The following PCDHA8 variants were observed in gnomAD, a reference collection of about 807,000 sequenced individuals.
The protein encoded by PCDHA8 is protocadherin alpha-8.
A neutral mutation model predicts 61.8 loss-of-function variants in PCDHA8; 53 were observed. The observed-to-expected ratio is 0.86, with a 90% CI of 0.69 to 1.08. The LOEUF (loss-of-function observed/expected upper bound fraction) is 1.08. Ranked by LOEUF, PCDHA8 falls within the 50% of genes least tolerant of loss-of-function variation. The probability of loss-of-function intolerance (pLI) is 0.00; values close to 1 mark genes in which losing one functional copy is unlikely to be tolerated. For synonymous variants in PCDHA8, 618 were observed against 556.6 expected (o/e 1.11, Z -1.55); for missense variants, 1,293 against 1,245.0 (o/e 1.04, Z -0.58).
At chr5:140,912,922 G>A (rs1554195623) in intron 1 of PCDHA8, among the ~76,000 whole-genome samples, 3 of 152,210 alleles carry the variant, frequency 2.0e-5, no homozygotes, top group African/African-American at 7.2e-5. Context: ...ATTTGTGTAT[G>A]TTGAATCATC....
rs73793533 is a variant in PCDHA8 at position 140,949,932 on chromosome 5, T to A, written c.2395-29017T>A. On this transcript the variant is annotated intron_variant, in intron 1 of 3. Transcript: ENST00000531613. Reference sequence around the variant, plus strand: ...GATATAACTATTTTTAGATTTTTTTTAATTTGCATTTTTTAGTGGTTGCTG... The same window carrying A: ...GATATAACTATTTTTAGATTTTTTTAAATTTGCATTTTTTAGTGGTTGCTG... Among the ~76,000 whole-genome samples, 1,356 of 151,758 alleles carry A rather than the reference T, an allele frequency of 8.9e-3. 15 individuals carry two copies. The highest frequency in any genetic ancestry group is 0.032 in the African/African-American group (1,309 of 41,514).
chr5:140,877,233 G>A (rs1554169499), intron 1 of PCDHA8: 2 of 1,613,676 alleles, frequency 1.2e-6, no homozygotes, highest in Non-Finnish European at 8.5e-7. Flanking sequence ...CGGTGGGTGC[G>A]GGCCACGTGG....
intron 1 of PCDHA8, among the ~76,000 whole-genome samples, chr5:140,951,209 A>C (rs1302279809): frequency 6.6e-6 from 1 of 151,904 alleles, no homozygotes; most frequent in Non-Finnish European, 1.5e-5. Context: ...GTGTCATCTC[A>C]GGTTTGGATT....
chr5:140,996,553 A>G lies in PCDHA8; in HGVS notation c.2543-13074A>G, dbSNP rs868960335. 1.1e-4 allele frequency among the ~76,000 whole-genome samples: 16 copies of G among 152,172 alleles called. No individual in the cohort carries two copies. In the South Asian group the frequency reaches 2.7e-3, roughly 26 times the overall value. On this transcript the variant is annotated intron_variant, in intron 3 of 3. Transcript: ENST00000531613. The stretch of plus-strand genomic sequence containing the variant: ...TGTGTTTTGATATTATGCTGTCACT[A>G]TCTTGAAGTTCTTGATAATTTGTTA...
At chr5:140,843,814 G>A in intron 1 of PCDHA8, 99 bp downstream of exon 1, 1 of 1,259,886 alleles carries the variant, frequency 7.9e-7, no homozygotes, top group Non-Finnish European at 1.1e-6. Context: ...ATTTTATAGT[G>A]AAAATTTAAA....
At chr5:140,853,686 T>C (rs2042832936) in intron 1 of PCDHA8, 1 of 988,118 alleles carries the variant, frequency 1.0e-6, no homozygotes, top group Middle Eastern at 5.3e-4. Flanking sequence ...CAACCTATCC[T>C]TAGACCTGCT....
chr5:140,848,591 C>A lies in PCDHA8; in HGVS notation c.2394+4876C>A. 1.9e-6 allele frequency: 3 copies of A among 1,594,690 alleles called. 1 individual carries two copies. Among genetic ancestry groups the A allele is most frequent in the Non-Finnish European group, 2.6e-6 (3 of 1,164,772 alleles). On this transcript the variant is annotated intron_variant, in intron 1 of 3. Coordinates refer to ENST00000531613, the MANE Select transcript of PCDHA8 (RefSeq NM_018911.3). ...GGGTGGTGGGGAGCGGCCAGCTCCACTACTCCGTCCCGGAGGAAGCCGAAC... is the reference window on the plus strand; with the variant it reads ...GGGTGGTGGGGAGCGGCCAGCTCCAATACTCCGTCCCGGAGGAAGCCGAAC...
At chr5:140,875,978 C>T (rs534648937) in intron 1 of PCDHA8, 2 of 1,613,976 alleles carry the variant, frequency 1.2e-6, no homozygotes, top group East Asian at 4.5e-5. Flanking sequence ...TCTCTTTTGA[C>T]CTATGCGTTA....
intron 1 of PCDHA8, chr5:140,858,228 A>T: frequency 6.3e-7 from 1 of 1,595,134 alleles, no homozygotes; most frequent in Non-Finnish European, 8.6e-7. Flanking sequence ...GCGCCCACCG[A>T]GGGCGCATGT....
intron 1 of PCDHA8, chr5:140,862,633 G>T (rs113613111): frequency 3.7e-6 from 2 of 537,190 alleles, no homozygotes; most frequent in East Asian, 5.1e-5. Context: ...GGGCTGCCAC[G>T]ACTTCACAGT....
In PCDHA8 at chr5:140,853,448, G is replaced by A; in HGVS notation, c.2394+9733G>A. ...AGACACTTTCCTATTTTGCCTAATA[G>A]GTCTCCTTATATGCATCTGTAGTTA... On this transcript the variant is annotated intron_variant, in intron 1 of 3. Transcript: ENST00000531613. 2.0e-6 allele frequency: 2 copies of A among 980,734 alleles called. 1 individual carries two copies. Among genetic ancestry groups the A allele is most frequent in the South Asian group, 9.5e-5 (2 of 21,032 alleles). 60.8% of individuals were successfully genotyped at this position (980,734 alleles called of 1,614,324 possible).
chr5:140,853,649 T>C (rs2042817758), intron 1 of PCDHA8: 2 of 988,760 alleles, frequency 2.0e-6, no homozygotes, highest in African/African-American at 1.8e-5. Flanking sequence ...AAATTGAGCC[T>C]GTTCCAGACA....
chr5:140,949,053 C>T (rs2094339991), intron 1 of PCDHA8, among the ~76,000 whole-genome samples: 1 of 151,694 alleles, frequency 6.6e-6, no homozygotes, highest in Admixed American at 6.6e-5. Flanking sequence ...TTCTAATTTC[C>T]ATTATGATTT....
chr5:140,883,486 A>G (rs2059636103), intron 1 of PCDHA8: 1 of 1,614,016 alleles, frequency 6.2e-7, no homozygotes, highest in Non-Finnish European at 8.5e-7. Context: ...ACTACTACTC[A>G]TTAGTGCTGG....
intron 1 of PCDHA8, chr5:140,926,536 G>T (rs1420585785): frequency 4.6e-6 from 1 of 217,790 alleles, no homozygotes. Flanking sequence ...CGCAGCCAGC[G>T]TGGTGGTCGA....
chr5:140,856,660 T>C, intron 1 of PCDHA8: 1 of 1,597,974 alleles, frequency 6.3e-7, no homozygotes, highest in Non-Finnish European at 8.6e-7. Flanking sequence ...GTGAAGAAAA[T>C]CCTCAGCTAA....
intron 1 of PCDHA8, chr5:140,870,539 G>C (rs367673976): frequency 1.2e-5 from 20 of 1,614,040 alleles, no homozygotes; most frequent in Admixed American, 1.7e-5. Context: ...GTGTCGGCGC[G>C]GGACGCGGAC....
At chr5:140,868,200 T>G (rs1280989116) in intron 1 of PCDHA8, 4 of 152,156 alleles carry the variant, frequency 2.6e-5, no homozygotes, top group African/African-American at 9.6e-5. Flanking sequence ...ATGGCTTACA[T>G]TAGAAATAAT....
intron 3 of PCDHA8, among the ~76,000 whole-genome samples, chr5:140,990,637 C>A (rs2097404568): frequency 6.6e-6 from 1 of 152,154 alleles, no homozygotes; most frequent in South Asian, 2.1e-4. Flanking sequence ...AGACTAGAAG[C>A]CTCAGCCAGT....
Sources: allele counts gnomAD v4.1 joint callset (sites outside exome capture counted in the v4.1 genomes callset), GRCh38; gene constraint gnomAD v4.1.1; transcripts MANE v1.5; gene names NCBI Gene and HGNC (gene_info 2026-07-23, HGNC 2026-07-21).